RPS6KC1: variants seen among roughly 807,000 people sequenced by gnomAD.
RPS6KC1 encodes ribosomal protein S6 kinase C1, also known as inactive ribosomal protein S6 kinase delta-1.
A neutral mutation model predicts 103.8 loss-of-function variants in RPS6KC1; 54 were observed. The observed-to-expected ratio is 0.52, with a 90% CI of 0.42 to 0.65. RPS6KC1 has a LOEUF of 0.65. RPS6KC1 is among the 30% of genes least tolerant of loss of function. The pLI, the probability that RPS6KC1 is intolerant of heterozygous loss-of-function variation, is 0.00. For missense variants in RPS6KC1, 1,151 were observed against 1,253.8 expected, an observed-to-expected ratio of 0.92 and a Z score of 1.24; for synonymous variants, 439 against 438.7, an observed-to-expected ratio of 1.00 and a Z score of -0.01.
chr1:213,575,518 A>T, the RPS6KC1 span, among the ~76,000 whole-genome samples: 1 of 152,168 alleles, frequency 6.6e-6, no homozygotes, highest in Non-Finnish European at 1.5e-5. Flanking sequence ...TGATGGTTTT[A>T]TAAAGGGCTT....
chr1:213,824,921 C>G, the RPS6KC1 span, among the ~76,000 whole-genome samples: 10 of 152,334 alleles, frequency 6.6e-5, no homozygotes, highest in East Asian at 1.9e-3. Flanking sequence ...GACCAACGGG[C>G]TGCCTAAAGG....
chr1:213,385,511 G>A, the RPS6KC1 span, among the ~76,000 whole-genome samples: 40 of 152,286 alleles, frequency 2.6e-4, no homozygotes, highest in Non-Finnish European at 2.2e-4. Flanking sequence ...TGACGTGGTG[G>A]AGGATGTTAT....
At chr1:213,243,021 T>TA (rs1292754845) in intron 12 of RPS6KC1, among the ~76,000 whole-genome samples, 1 of 152,084 alleles carries the variant, frequency 6.6e-6, no homozygotes, top group African/African-American at 2.4e-5. Flanking sequence ...TTTTGAGACA[T>TA]ACCTCACTCT....
At chr1:213,707,906 T>A in the RPS6KC1 span, among the ~76,000 whole-genome samples, 1 of 152,228 alleles carries the variant, frequency 6.6e-6, no homozygotes, top group African/African-American at 2.4e-5. Context: ...TCTATATATC[T>A]GTTTTGGTGC....
the RPS6KC1 span, among the ~76,000 whole-genome samples, chr1:213,757,458 A>C: frequency 6.6e-6 from 1 of 152,250 alleles, no homozygotes; most frequent in Non-Finnish European, 1.5e-5. Context: ...AGCCTAATCC[A>C]GAGCAAAGCT....
At chr1:213,371,155 C>T in the RPS6KC1 span, among the ~76,000 whole-genome samples, 368 of 152,132 alleles carry the variant, frequency 2.4e-3, 2 homozygotes, top group African/African-American at 8.4e-3. Context: ...ACCTGCTGGC[C>T]CTGTGAATTT....
At chr1:213,588,413 C>G in the RPS6KC1 span, among the ~76,000 whole-genome samples, 1 of 151,934 alleles carries the variant, frequency 6.6e-6, no homozygotes. Context: ...ATTTTCCTGC[C>G]TCAGCCTCCT....
At chr1:213,348,063 G>A in the RPS6KC1 span, among the ~76,000 whole-genome samples, 3,522 of 152,238 alleles carry the variant, frequency 0.023, 151 homozygotes, top group African/African-American at 0.081. Context: ...CCCCACTAAT[G>A]ACCTCAGTCA....
At chr1:213,800,487 T>A in the RPS6KC1 span, among the ~76,000 whole-genome samples, 2 of 150,908 alleles carry the variant, frequency 1.3e-5, no homozygotes, top group Non-Finnish European at 1.5e-5. Context: ...GGAATATTGG[T>A]CAGGTTGGAC....
the RPS6KC1 span, among the ~76,000 whole-genome samples, chr1:213,490,817 G>A: frequency 5.3e-5 from 8 of 152,198 alleles, no homozygotes; most frequent in Non-Finnish European, 5.9e-5. Context: ...TGGGATTGAG[G>A]AGGGGAGTGT....
chr1:213,053,295 G>T (rs541949144), intron 1 of RPS6KC1, among the ~76,000 whole-genome samples: 1 of 152,330 alleles, frequency 6.6e-6, no homozygotes, highest in Non-Finnish European at 1.5e-5. Context: ...TTGCATGTCT[G>T]TGTCTCTTAG....
the RPS6KC1 span, among the ~76,000 whole-genome samples, chr1:213,768,455 A>G: frequency 3.2e-4 from 48 of 152,336 alleles, no homozygotes; most frequent in African/African-American, 1.1e-3. Flanking sequence ...ACAAGCGCCT[A>G]TTTATAGAAT....
At chr1:213,070,972 A>G (rs756013538) in intron 1 of RPS6KC1, 34 bp from the exon 2 acceptor site, 1 of 1,332,916 alleles carries the variant, frequency 7.5e-7, no homozygotes, top group South Asian at 1.4e-5. Flanking sequence ...AATTTTGATA[A>G]TGATTAGAGA....
chr1:213,469,937 C>A, the RPS6KC1 span, among the ~76,000 whole-genome samples: 1 of 152,076 alleles, frequency 6.6e-6, no homozygotes. Flanking sequence ...GCAGGAGGAC[C>A]GCTTGAGCCT....
intron 8 of RPS6KC1, 110 bp downstream of exon 8, chr1:213,176,602 T>G (rs1412041547): frequency 1.5e-6 from 1 of 662,234 alleles, no homozygotes; most frequent in African/African-American, 1.8e-5. Context: ...AGAAAATGAC[T>G]CAAATGCATG....
In RPS6KC1 at chr1:213,167,849, T is replaced by C. The variant is rs1473116394; in HGVS notation, c.836-9T>C. ...TTTATTTTTTACATGTCCAGACTTT[T>C]TTTTTTAGGAGAGTCAAGCCCTACC... On this transcript the variant is annotated splice_polypyrimidine_tract_variant and intron_variant, in intron 6 of 14. Transcript: ENST00000366960. 6.3e-7 allele frequency: 1 copy of C among 1,588,986 alleles called. No homozygotes were observed. Among genetic ancestry groups the C allele is most frequent in the Non-Finnish European group, 8.6e-7 (1 of 1,168,442 alleles).
chr1:213,484,045 A>G, the RPS6KC1 span, among the ~76,000 whole-genome samples: 2 of 152,140 alleles, frequency 1.3e-5, no homozygotes, highest in East Asian at 1.9e-4. Context: ...TTTCAAACAT[A>G]TAGGTGAGAC....
the RPS6KC1 span, among the ~76,000 whole-genome samples, chr1:213,717,299 A>G: frequency 1.1e-4 from 17 of 152,368 alleles, no homozygotes; most frequent in African/African-American, 4.1e-4. Context: ...GAACATGATT[A>G]TCATTGCTCA....
the RPS6KC1 span, among the ~76,000 whole-genome samples, chr1:213,344,682 G>C: frequency 2.0e-5 from 3 of 152,068 alleles, no homozygotes; most frequent in Non-Finnish European, 2.9e-5. Flanking sequence ...CTACAGGTGT[G>C]CACCACCACG....
Sources: allele counts gnomAD v4.1 joint callset (sites outside exome capture counted in the v4.1 genomes callset), GRCh38; gene constraint gnomAD v4.1.1; transcripts MANE v1.5; gene names NCBI Gene and HGNC (gene_info 2026-07-23, HGNC 2026-07-21).